AKAP14: variants seen among roughly 807,000 people sequenced by gnomAD.
AKAP14 encodes the protein A-kinase anchor protein 14.
A neutral mutation model predicts 17.0 loss-of-function variants in AKAP14; 4 were observed. The ratio of observed to expected loss-of-function variants is 0.23; its 90% CI spans 0.12 to 0.54. The LOEUF is 0.54. AKAP14 is among the 20% of genes least tolerant of loss of function. The pLI is 0.95. For synonymous variants in AKAP14, 42 were observed against 51.3 expected, an observed-to-expected ratio of 0.82 and a Z score of 0.77; for missense variants, 129 against 150.9, an observed-to-expected ratio of 0.85 and a Z score of 0.76.
chrX:119,903,966 C>T (rs2056583277), intron 4 of AKAP14, among the ~76,000 whole-genome samples: 1 of 110,916 alleles, frequency 9.0e-6, no homozygotes, highest in African/African-American at 3.3e-5. Context: ...TTTTTAGAGA[C>T]AGGGTCCCAC....
At chrX:119,909,461 G>A (rs2056615510) in intron 4 of AKAP14, among the ~76,000 whole-genome samples, 1 of 108,479 alleles carries the variant, frequency 9.2e-6, no homozygotes, top group South Asian at 4.1e-4. Context: ...TCGGGAGGCG[G>A]AGGTTGCAGT....
chrX:119,913,370 G>C (rs2056639273), intron 4 of AKAP14, among the ~76,000 whole-genome samples: 1 of 112,034 alleles, frequency 8.9e-6, no homozygotes, highest in African/African-American at 3.2e-5. Flanking sequence ...GGTCTCCTGG[G>C]ATGAGCAGAA....
At chrX:119,900,125 T>C in intron 2 of AKAP14, among the ~76,000 whole-genome samples, 1 of 105,912 alleles carries the variant, frequency 9.4e-6, no homozygotes, top group African/African-American at 3.5e-5. Context: ...GGAGTCTCAC[T>C]CTCATTGCCC....
At position 119,920,710 on chromosome X, in the gene AKAP14, C is replaced by A; in HGVS notation, c.*103C>A. 1.7e-6 allele frequency: 1 copy of A among 587,275 alleles called. No homozygotes were observed. Among genetic ancestry groups the A allele is most frequent in the Non-Finnish European group, 2.6e-6 (1 of 389,516 alleles). 48.4% of individuals were successfully genotyped at this position (587,275 alleles called of 1,213,427 possible). A position where few individuals can be genotyped will look rare whatever the true frequency, so the allele number is the denominator to read the frequency against. On this transcript the variant is annotated 3_prime_UTR_variant, in exon 7 of 7. Coordinates refer to ENST00000371431, the MANE Select transcript of AKAP14 (RefSeq NM_178813.6). ...TATTTATTGAGTAATAAACTTGTGGCACACAATCCAGCTGTATTTTTTTGC... is the reference window on the plus strand; with the variant it reads ...TATTTATTGAGTAATAAACTTGTGGAACACAATCCAGCTGTATTTTTTTGC...
At chrX:119,906,517 G>C (rs1396388743) in intron 4 of AKAP14, among the ~76,000 whole-genome samples, 1 of 103,870 alleles carries the variant, frequency 9.6e-6, no homozygotes, top group Non-Finnish European at 1.9e-5. Flanking sequence ...ACAGGCGTGA[G>C]CCATCGCGCC....
chrX:119,911,184 C>T (rs1240520583), intron 4 of AKAP14, among the ~76,000 whole-genome samples: 1 of 105,697 alleles, frequency 9.5e-6, no homozygotes, highest in African/African-American at 3.4e-5. Context: ...GAAACCCTGT[C>T]TCTACTAAAA....
intron 2 of AKAP14, among the ~76,000 whole-genome samples, chrX:119,899,678 C>T (rs1201426171): frequency 9.0e-6 from 1 of 111,249 alleles, no homozygotes; most frequent in Non-Finnish European, 1.9e-5. Context: ...CCAGAGGGCA[C>T]CATTTATGGG....
At chrX:119,898,089 G>A (rs2056541424) in intron 2 of AKAP14, among the ~76,000 whole-genome samples, 1 of 112,584 alleles carries the variant, frequency 8.9e-6, no homozygotes, top group African/African-American at 3.2e-5. Flanking sequence ...CTTGAACCCA[G>A]GAGGCGGACG....
At chrX:119,912,907 C>T (rs2056635730) in intron 4 of AKAP14, among the ~76,000 whole-genome samples, 1 of 110,798 alleles carries the variant, frequency 9.0e-6, no homozygotes, top group East Asian at 2.8e-4. Flanking sequence ...ATTCCCATCT[C>T]AACTCCAAGA....
At position 119,914,841 on chromosome X, in the gene AKAP14, C is replaced by A. The variant is rs148090604; in HGVS notation, c.404C>A (p.Thr135Asn). ...CCCGTAGCACGAATCTCTGCTGGTACCTACTTCACCATGAAGGTCTCCAAA... is the reference window on the plus strand; with the variant it reads ...CCCGTAGCACGAATCTCTGCTGGTAACTACTTCACCATGAAGGTCTCCAAA... ...DLPVARISAG[T>N]YFTMKVSKTK... The change falls in exon 5 of 7, where the codon ACC becomes AAC. Residue 135 changes from threonine to asparagine, a missense_variant. Thr to Asn is a moderately conservative substitution (Grantham distance 65). Coordinates refer to ENST00000371431, the MANE Select transcript of AKAP14 (RefSeq NM_178813.6). 40 of 1,208,795 alleles carry A rather than the reference C, an allele frequency of 3.3e-5. No homozygotes were observed. The African/African-American group carries it at 5.1e-4, about 15-fold the overall frequency.
intron 4 of AKAP14, among the ~76,000 whole-genome samples, chrX:119,904,319 T>G (rs1489197139): frequency 1.8e-5 from 2 of 112,188 alleles, no homozygotes; most frequent in Non-Finnish European, 3.8e-5. Flanking sequence ...CTTTGGAATA[T>G]ATTGCCTGCA....
chrX:119,914,653 A>G (rs2056646765), intron 4 of AKAP14, 46 bp from the exon 5 acceptor site: 13 of 1,151,295 alleles, frequency 1.1e-5, no homozygotes, highest in Non-Finnish European at 1.5e-5. Flanking sequence ...ACTTGAACAG[A>G]AGGCTTTTCT....
rs57227526 is a variant in AKAP14 at position 119,898,799 on chromosome X, G to GA, written c.-11+2546dup. 7.6e-3 allele frequency among the ~76,000 whole-genome samples: 650 copies of GA among 85,403 alleles called. 8 individuals carry two copies. Among genetic ancestry groups the GA allele is most frequent in the African/African-American group, 0.023 (545 of 23,267 alleles). The allele number at this position is 85,403 out of a possible 115,157, so 74.2% of individuals were successfully genotyped here. ...GCAATAAGAGTGAAAACTCCGTCTTGAAAAAAAAAAAAAAGAGTTGCCTTT... is the reference window on the plus strand; with the variant it reads ...GCAATAAGAGTGAAAACTCCGTCTTGAAAAAAAAAAAAAAAGAGTTGCCTTT... On this transcript the variant is annotated intron_variant, in intron 2 of 6. Transcript: ENST00000371431.
chrX:119,918,653 A>G (rs1010312792), intron 5 of AKAP14, among the ~76,000 whole-genome samples: 1 of 112,625 alleles, frequency 8.9e-6, no homozygotes, highest in African/African-American at 3.2e-5. Flanking sequence ...AATACTTGAA[A>G]GAATGATTGC....
intron 2 of AKAP14, among the ~76,000 whole-genome samples, chrX:119,902,966 C>A (rs2056575581): frequency 8.9e-6 from 1 of 112,372 alleles, no homozygotes. Context: ...GCTGGGATTA[C>A]AGGCGTGAGC....
chrX:119,906,736 G>T (rs1603377778), intron 4 of AKAP14, among the ~76,000 whole-genome samples: 1 of 111,286 alleles, frequency 9.0e-6, no homozygotes, highest in East Asian at 2.8e-4. Flanking sequence ...TAGAGATGGG[G>T]TTTCACCATT....
At chrX:119,902,760 T>C (rs1447100838) in intron 2 of AKAP14, among the ~76,000 whole-genome samples, 2 of 111,260 alleles carry the variant, frequency 1.8e-5, no homozygotes, top group Admixed American at 9.6e-5. Context: ...GGCGCGATCT[T>C]GGCTCACTGC....
chrX:119,898,111 C>T (rs766556064), intron 2 of AKAP14, among the ~76,000 whole-genome samples: 1 of 111,526 alleles, frequency 9.0e-6, no homozygotes, highest in East Asian at 2.8e-4. Context: ...TGCAGTGAGC[C>T]GAGATTGCGC....
intron 5 of AKAP14, among the ~76,000 whole-genome samples, chrX:119,916,596 AT>A (rs1473771265): frequency 4.8e-5 from 5 of 104,296 alleles, no homozygotes; most frequent in African/African-American, 1.7e-4. Flanking sequence ...GGCTCAAGCC[AT>A]CCTCCTGCCT....
Sources: allele counts gnomAD v4.1 joint callset (sites outside exome capture counted in the v4.1 genomes callset), GRCh38; gene constraint gnomAD v4.1.1; transcripts MANE v1.5; gene names NCBI Gene and HGNC (gene_info 2026-07-23, HGNC 2026-07-21).